Variants in KREMEN1 observed in about 807,000 individuals in gnomAD.
KREMEN1 encodes kremen protein 1.
A neutral mutation model predicts 46.5 loss-of-function variants in KREMEN1; 30 were observed. The observed-to-expected ratio is 0.65, with a 90% confidence interval of 0.48 to 0.88. KREMEN1 has a LOEUF of 0.88. Ranked by LOEUF, KREMEN1 falls within the 40% of genes least tolerant of loss-of-function variation. The probability of loss-of-function intolerance (pLI) is 0.00; values close to 1 mark genes in which losing one functional copy is unlikely to be tolerated. For missense variants in KREMEN1, 533 were observed against 596.9 expected (o/e 0.89, Z 1.11); for synonymous variants, 214 against 230.6 (o/e 0.93, Z 0.65).
At chr22:29,098,046 G>A (rs956024370) in intron 2 of KREMEN1, among the ~76,000 whole-genome samples, 3 of 152,012 alleles carry the variant, frequency 2.0e-5, no homozygotes, top group East Asian at 3.9e-4. Context: ...CAGGCATGGC[G>A]GCGGGCACTT....
At chr22:29,154,546 A>T (rs1718181901) in intron 9 of KREMEN1, 1 of 152,324 alleles carries the variant, frequency 6.6e-6, no homozygotes, top group South Asian at 2.1e-4. Flanking sequence ...CCGCTGCGGC[A>T]GAGCCCCCAG....
In KREMEN1 at chr22:29,165,735, C is replaced by G. The variant is rs533940472; in HGVS notation, c.1417-1309C>G. Among the ~76,000 whole-genome samples the G allele has an allele frequency of 1.9e-3, 285 of 152,302 alleles. 1 individual carries two copies. The highest frequency in any genetic ancestry group is 6.4e-3 in the African/African-American group (268 of 41,564). On this transcript the variant is annotated intron_variant, in intron 9 of 9. Transcript: ENST00000327813. The stretch of plus-strand genomic sequence containing the variant: ...AGCTCTATGGTATGCAGAGGCAATA[C>G]AAGCAAGGACTGATAGAAGTGTCCC...
chr22:29,115,685 T>G (rs1601782957), intron 3 of KREMEN1, among the ~76,000 whole-genome samples: 1 of 152,222 alleles, frequency 6.6e-6, no homozygotes, highest in Admixed American at 6.5e-5. Flanking sequence ...GCTGTAGGAC[T>G]ACACAGCAGG....
rs1386495265 is a variant in KREMEN1, at chr22:29,146,650, A to G, written c.*4538A>G. The G allele has an allele frequency of 5.2e-6, 5 of 959,270 alleles. No homozygotes were observed. The highest frequency in any genetic ancestry group is 6.2e-6 in the Non-Finnish European group (5 of 805,932). The allele number at this position is 959,270 out of a possible 1,614,324, so 59.4% of individuals were successfully genotyped here. Reference sequence around the variant, plus strand: ...GCAACTTTGAGAATAAAATAGAAACATCATGTATTTTAAAATATAAGATGA... The same window carrying G: ...GCAACTTTGAGAATAAAATAGAAACGTCATGTATTTTAAAATATAAGATGA... On this transcript the variant is annotated 3_prime_UTR_variant, in exon 9 of 9. Coordinates refer to ENST00000400335, the MANE Select transcript of KREMEN1 (RefSeq NM_001039570.3).
chr22:29,156,835 G>A (rs1003974393), intron 9 of KREMEN1, among the ~76,000 whole-genome samples: 1 of 152,162 alleles, frequency 6.6e-6, no homozygotes, highest in South Asian at 2.1e-4. Flanking sequence ...TCTACATACG[G>A]TGCCTTATTT....
In KREMEN1 at chr22:29,140,329, G is replaced by A; in HGVS notation, c.1171G>A (p.Ala391Thr). The A allele has an allele frequency of 6.2e-7, 1 of 1,614,160 alleles. No homozygotes were observed. Among genetic ancestry groups the A allele is most frequent in the Non-Finnish European group, 8.5e-7 (1 of 1,179,972 alleles). The change falls in exon 8 of 9, where the codon GCC becomes ACC. Residue 391 changes from alanine (A) to threonine (T), a missense_variant. Physicochemically the swap from Ala to Thr is moderately conservative, Grantham distance 58 (BLOSUM62 0). Coordinates refer to ENST00000400335, the MANE Select transcript of KREMEN1 (RefSeq NM_001039570.3). ...AACTCTCCTCATCCTCACAGTCACA[G>A]CCATTGTAGCAAAGATACTTCTGCA... ...LATLLILTVTAIVAKILLHVT... is the reference protein window; with the variant it reads ...LATLLILTVTTIVAKILLHVT...
At chr22:29,081,648 T>C (rs566326181) in intron 1 of KREMEN1, among the ~76,000 whole-genome samples, 3 of 152,314 alleles carry the variant, frequency 2.0e-5, no homozygotes, top group East Asian at 3.9e-4. Flanking sequence ...CATCTACTTA[T>C]AAATGAGTGT....
At chr22:29,118,182 C>T (rs73882467) in intron 3 of KREMEN1, among the ~76,000 whole-genome samples, 2,002 of 152,324 alleles carry the variant, frequency 0.013, 48 homozygotes, top group African/African-American at 0.045. Flanking sequence ...CCTTACCACA[C>T]AGCCTCTGAC....
At chr22:29,131,039 T>G (rs1417891002) in intron 5 of KREMEN1, among the ~76,000 whole-genome samples, 2 of 152,168 alleles carry the variant, frequency 1.3e-5, no homozygotes, top group African/African-American at 4.8e-5. Context: ...AATACCAGTT[T>G]CAGTTGGATA....
intron 3 of KREMEN1, among the ~76,000 whole-genome samples, chr22:29,109,641 C>T (rs971875749): frequency 3.9e-5 from 6 of 152,100 alleles, no homozygotes; most frequent in African/African-American, 1.4e-4. Context: ...CAGGTCAGAC[C>T]TGGAAAGCAA....
intron 9 of KREMEN1, among the ~76,000 whole-genome samples, chr22:29,152,425 CA>C (rs2038922053): frequency 6.6e-6 from 1 of 152,238 alleles, no homozygotes; most frequent in African/African-American, 2.4e-5. Flanking sequence ...TTGGAACCAT[CA>C]GCCGAACTCC....
chr22:29,136,729 G>A (rs1273062037), intron 5 of KREMEN1, among the ~76,000 whole-genome samples: 1 of 152,140 alleles, frequency 6.6e-6, no homozygotes, highest in Admixed American at 6.6e-5. Flanking sequence ...GAAAGCAAAT[G>A]TGCCCAGTAC....
In KREMEN1 at chr22:29,146,112, A is replaced by T. The variant is rs1309925319; in HGVS notation, c.*4000A>T. 5 of 985,168 alleles carry T rather than the reference A, an allele frequency of 5.1e-6. No homozygotes were observed. In the Admixed American group the frequency reaches 3.1e-4, roughly 61 times the overall value. The allele number at this position is 985,168 out of a possible 1,614,324, so 61.0% of individuals were successfully genotyped here. A position where few individuals can be genotyped will look rare whatever the true frequency, so the allele number is the denominator to read the frequency against. ...CTCCCACGGAGCCGGGCAGCTCCAC[A>T]CCCCACCACCTGGCACCGTTAGGTT... is the stretch of plus-strand genomic sequence containing the variant. On this transcript the variant is annotated 3_prime_UTR_variant, in exon 9 of 9. Transcript: ENST00000400335.
chr22:29,163,008 T>C (rs1446245103), intron 9 of KREMEN1, among the ~76,000 whole-genome samples: 2 of 152,006 alleles, frequency 1.3e-5, no homozygotes, highest in Admixed American at 6.6e-5. Context: ...ACCATAAACA[T>C]TGGGTACTGA....
At chr22:29,161,314 T>C (rs1207107163) in intron 9 of KREMEN1, among the ~76,000 whole-genome samples, 11 of 151,634 alleles carry the variant, frequency 7.3e-5, no homozygotes, top group African/African-American at 2.7e-4. Context: ...GAGACCATCC[T>C]GGCTAACATG....
chr22:29,110,083 G>A (rs780951384), intron 3 of KREMEN1, among the ~76,000 whole-genome samples: 25 of 152,156 alleles, frequency 1.6e-4, no homozygotes, highest in Non-Finnish European at 3.1e-4. Context: ...ATCCCCAGCC[G>A]CAGTGACTTA....
rs181108638 is a variant in KREMEN1 at position 29,130,036 on chromosome 22, G to C, written c.631+4620G>C. 1.2e-3 allele frequency among the ~76,000 whole-genome samples: 177 copies of C among 152,352 alleles called. 1 individual carries two copies. Among genetic ancestry groups the C allele is most frequent in the Non-Finnish European group, 1.6e-3 (107 of 68,034 alleles). On this transcript the variant is annotated intron_variant, in intron 5 of 8. Transcript: ENST00000400335. ...CTTGGCTTCTAGGCCCTGAAGGGAG[G>C]GGTCAGTCATCTGGATTGGACCTTA...
intron 9 of KREMEN1, chr22:29,166,893 A>G (rs1569345171): frequency 4.6e-6 from 3 of 656,896 alleles, no homozygotes; most frequent in Non-Finnish European, 8.3e-6. Flanking sequence ...TGATCAGACC[A>G]CCGCACTCCA....
In KREMEN1 at chr22:29,121,428, A is replaced by C. The variant is rs370491326; in HGVS notation, c.424A>C (p.Asn142His). The change falls in exon 4 of 9, where the codon AAC (asparagine) becomes CAC (histidine). Residue 142 changes from asparagine to histidine, a missense_variant. Coordinates refer to ENST00000400335, the MANE Select transcript of KREMEN1 (RefSeq NM_001039570.3). ...PPLTGTSKTS[N>H]KLTIQTCISF... The stretch of plus-strand genomic sequence containing the variant: ...TCTAACTGGCACCAGTAAAACGTCC[A>C]ACAAACTCACCATACAAACTTGCAT... 1.9e-6 allele frequency: 3 copies of C among 1,614,170 alleles called. No homozygotes were observed. The highest frequency in any genetic ancestry group is 1.7e-5 in the Admixed American group (1 of 60,024).
Sources: allele counts gnomAD v4.1 joint callset (sites outside exome capture counted in the v4.1 genomes callset), GRCh38; gene constraint gnomAD v4.1.1; transcripts MANE v1.5; gene names NCBI Gene and HGNC (gene_info 2026-07-23, HGNC 2026-07-21).